The following MDN1 variants were observed in gnomAD, a reference collection of about 807,000 sequenced individuals.
MDN1 encodes the protein midasin AAA ATPase 1, also known as midasin.
MDN1 carries 266 observed loss-of-function variants against 669.2 expected under a neutral mutation model. The observed-to-expected ratio is 0.40, with a 90% CI of 0.36 to 0.44. The LOEUF is 0.44. MDN1 is among the 20% of genes least tolerant of loss of function. The pLI is 1.00. For synonymous variants in MDN1, 2,385 were observed against 2,457.1 expected (o/e 0.97, Z 0.87); for missense variants, 5,940 against 6,754.0 (o/e 0.88, Z 4.22).
At chr6:89,685,743 A>G in intron 70 of MDN1, 84 bp downstream of exon 70, 1 of 1,459,418 alleles carries the variant, frequency 6.9e-7, no homozygotes, top group South Asian at 1.3e-5. Flanking sequence ...AGCGTGCAAC[A>G]AGGCACCTGT....
chr6:89,788,146 C>G (rs879690930), intron 7 of MDN1, among the ~76,000 whole-genome samples, 189 bp from the exon 8 acceptor site: 2 of 152,182 alleles, frequency 1.3e-5, no homozygotes, highest in Non-Finnish European at 2.9e-5. Flanking sequence ...AATTTACACA[C>G]TCGACATTCA....
rs570627004 is a variant in MDN1 at position 89,754,098 on chromosome 6, C to T, written c.2949G>A (p.Gln983=). 3 of 1,613,976 alleles carry T rather than the reference C, an allele frequency of 1.9e-6. No homozygotes were observed. The African/African-American group carries it at 4.0e-5, about 22-fold the overall frequency. The stretch of plus-strand genomic sequence containing the variant: ...TCAGAAAGACCTCATAGAGTGAGCG[C>T]TGAATGTTGCCACATGGATTGGAGG... ...FAASNPCGNI[Q]RSLYEGFCLG... Residue 983 remains glutamine (Q), a synonymous_variant, in exon 21 of 102, where the codon CAG becomes CAA. Coordinates refer to ENST00000369393, the MANE Select transcript of MDN1 (RefSeq NM_014611.3).
chr6:89,734,330 C>T (rs960787481), intron 33 of MDN1, among the ~76,000 whole-genome samples: 1 of 151,498 alleles, frequency 6.6e-6, no homozygotes, highest in African/African-American at 2.4e-5. Flanking sequence ...TTCCATGTCA[C>T]TAATAACAAA....
In MDN1 at chr6:89,695,503, G is replaced by T; in HGVS notation, c.9771+102C>A. ...AGGCAACTTATGCAATATCATGCTT[G>T]TGATGATCTGAGCACCCAAAAGGGA... On this transcript the variant is annotated intron_variant, in intron 61 of 101. Coordinates refer to ENST00000369393, the MANE Select transcript of MDN1 (RefSeq NM_014611.3). The surrounding 1 kb of genome is among the most constrained non-coding windows in gnomAD (Gnocchi z 4.1). 7.1e-7 allele frequency: 1 copy of T among 1,409,696 alleles called. No individual in the cohort carries two copies. Among genetic ancestry groups the T allele is most frequent in the Non-Finnish European group, 9.6e-7 (1 of 1,039,746 alleles). 87.3% of individuals were successfully genotyped at this position (1,409,696 alleles called of 1,614,324 possible).
intron 8 of MDN1, 87 bp downstream of exon 8, chr6:89,787,767 G>A (rs1819043974): frequency 2.2e-6 from 2 of 926,244 alleles, no homozygotes; most frequent in Non-Finnish European, 1.7e-6. Flanking sequence ...TAGACCCAGA[G>A]AACTCTATTA....
chr6:89,697,081 G>C (rs1171911712), intron 59 of MDN1, among the ~76,000 whole-genome samples: 1 of 152,160 alleles, frequency 6.6e-6, no homozygotes, highest in Admixed American at 6.5e-5. Context: ...TATCACTAAA[G>C]GCTTTGAGGG....
Position 89,727,431 on chromosome 6 carries a change from C to T in MDN1, c.5472+402G>A, listed in dbSNP as rs139201914. ...TACCCCATATGCACACATAACGGAT[C>T]GTTTCCTCATTTCAGTAGGTCATTT... On this transcript the variant is annotated intron_variant, in intron 37 of 101. Coordinates refer to ENST00000369393, the MANE Select transcript of MDN1 (RefSeq NM_014611.3). 1.4e-4 allele frequency among the ~76,000 whole-genome samples: 21 copies of T among 152,272 alleles called. No individual in the cohort carries two copies. The East Asian group carries it at 3.7e-3, about 27-fold the overall frequency.
intron 1 of MDN1, chr6:89,815,216 C>G (rs2128332860): frequency 2.6e-6 from 1 of 391,792 alleles, no homozygotes; most frequent in Non-Finnish European, 5.0e-6. Flanking sequence ...GGGAGACTGC[C>G]TTCCAGAGCC....
At chr6:89,726,837 C>T (rs535945241) in intron 37 of MDN1, among the ~76,000 whole-genome samples, 2 of 152,102 alleles carry the variant, frequency 1.3e-5, no homozygotes, top group African/African-American at 4.8e-5. Context: ...TCAGAGCACA[C>T]TACATTAGAA....
intron 93 of MDN1, among the ~76,000 whole-genome samples, chr6:89,653,533 A>T (rs959953328): frequency 1.3e-5 from 2 of 152,384 alleles, no homozygotes; most frequent in East Asian, 3.9e-4. Flanking sequence ...CAAAGAAAAG[A>T]TCAATAATTT....
chr6:89,749,294 T>C lies in MDN1; in HGVS notation c.3691A>G (p.Ile1231Val), dbSNP rs575307538. 1.9e-6 allele frequency: 3 copies of C among 1,614,016 alleles called. No individual in the cohort carries two copies. The highest frequency in any genetic ancestry group is 1.3e-5 in the African/African-American group (1 of 74,914). Reference sequence around the variant, plus strand: ...GGCAAACTACACCGCTTGTGCAAGATTGTTTCCAACTCGGAGCTAGGTAAC... The same window carrying C: ...GGCAAACTACACCGCTTGTGCAAGACTGTTTCCAACTCGGAGCTAGGTAAC... ...DELPSSELET[I>V]LHKRCSLPPS... Residue 1231 changes from isoleucine (I) to valine (V), a missense_variant, in exon 26 of 102, where the codon ATC becomes GTC. Ile to Val is a conservative substitution (Grantham distance 29, BLOSUM62 3). Transcript: ENST00000369393.
chr6:89,696,953 C>T (rs1001904473), intron 59 of MDN1, among the ~76,000 whole-genome samples: 2 of 152,150 alleles, frequency 1.3e-5, no homozygotes, highest in African/African-American at 4.8e-5. Context: ...GCTCCTTAGA[C>T]TGTTAGATGG....
chr6:89,644,264 A>G, intron 101 of MDN1, 71 bp from the exon 102 acceptor site: 1 of 1,309,702 alleles, frequency 7.6e-7, no homozygotes, highest in Middle Eastern at 1.9e-4. Context: ...CTCTTCTGTG[A>G]TCTCTTTTGC....
In MDN1 at chr6:89,800,541, C is replaced by A. The variant is rs556611590; in HGVS notation, c.329+2787G>T. On this transcript the variant is annotated intron_variant, in intron 2 of 101. Transcript: ENST00000369393. Reference sequence around the variant, plus strand: ...AGCTGGTGGGGAGCATAGATGCTTACTGTCCCCCTCCCCCATACCTTGTCC... The same window carrying A: ...AGCTGGTGGGGAGCATAGATGCTTAATGTCCCCCTCCCCCATACCTTGTCC... 4.7e-4 allele frequency among the ~76,000 whole-genome samples: 71 copies of A among 152,304 alleles called. 1 individual carries two copies. The highest frequency in any genetic ancestry group is 2.7e-3 in the South Asian group (13 of 4,824).
At chr6:89,762,258 A>G (rs1382733674) in intron 16 of MDN1, 61 bp downstream of exon 16, 5 of 1,377,110 alleles carry the variant, frequency 3.6e-6, no homozygotes, top group South Asian at 2.6e-5. Flanking sequence ...CCCAAAACTA[A>G]TATGTTAACT....
intron 76 of MDN1, among the ~76,000 whole-genome samples, 167 bp downstream of exon 76, chr6:89,677,403 C>G (rs1407548640): frequency 6.6e-6 from 1 of 152,168 alleles, no homozygotes; most frequent in Non-Finnish European, 1.5e-5. Context: ...CTCACACTTT[C>G]ATTTGAATGT....
chr6:89,700,124 G>C lies in MDN1; in HGVS notation c.8809C>G (p.Leu2937Val), dbSNP rs767442502. Reference sequence around the variant, plus strand: ...ACTTTGTACCGCCAAAGCATAGCCAGGTACTCCATTGCAGGCCACAACTGA... The same window carrying C: ...ACTTTGTACCGCCAAAGCATAGCCACGTACTCCATTGCAGGCCACAACTGA... ...SVQLWPAMEY[L>V]AMLWRYKVTA... The change falls in exon 57 of 102, where the codon CTG becomes GTG. Residue 2937 changes from leucine (L) to valine (V), a missense_variant. Around this residue, in one of 5 missense-constraint regions of MDN1, gnomAD observed 2,292 missense variants for 2,638.3 expected, o/e 0.87. Coordinates refer to ENST00000369393, the MANE Select transcript of MDN1 (RefSeq NM_014611.3). 7 of 1,614,038 alleles carry C rather than the reference G, an allele frequency of 4.3e-6. No homozygotes were observed. The South Asian group carries it at 7.7e-5, about 18-fold the overall frequency.
At chr6:89,672,163 C>G (rs1810837931) in intron 82 of MDN1, 37 bp downstream of exon 82, 1 of 1,533,884 alleles carries the variant, frequency 6.5e-7, no homozygotes, top group African/African-American at 1.4e-5. Flanking sequence ...TCAGTGCATT[C>G]TGAAGAGGAA....
At chr6:89,655,161 C>A (rs925307900) in intron 92 of MDN1, among the ~76,000 whole-genome samples, 1 of 151,942 alleles carries the variant, frequency 6.6e-6, no homozygotes, top group African/African-American at 2.4e-5. Context: ...GTAGAGCAGT[C>A]ATTTTCGTAC....
Sources: gnomAD v4.1 joint callset for allele counts (sites outside exome capture counted in the v4.1 genomes callset) on GRCh38, gnomAD v4.1.1 for gene constraint, gnomAD v4.1.1 regional missense constraint, Gnocchi (gnomAD v3.1) non-coding constraint, MANE v1.5 for transcripts, NCBI Gene and HGNC (gene_info 2026-07-23, HGNC 2026-07-21) for gene names.